CARF: variants seen among roughly 807,000 people sequenced by gnomAD.
CARF encodes calcium-responsive transcription factor.
A neutral mutation model predicts 82.0 loss-of-function variants in CARF; 57 were observed. That is an observed-to-expected ratio of 0.70 (90% CI 0.56 to 0.87). The LOEUF (loss-of-function observed/expected upper bound fraction) is 0.87, where lower values mean the gene tolerates loss of function less well. CARF is among the 40% of genes least tolerant of loss of function. CARF has a pLI of 0.00. For missense variants in CARF, 771 were observed against 855.8 expected (o/e 0.90, Z 1.24); for synonymous variants, 268 against 290.1 (o/e 0.92, Z 0.77).
At chr2:202,949,524 TA>T (rs2058663473) in intron 5 of CARF, among the ~76,000 whole-genome samples, 8 of 111,208 alleles carry the variant, frequency 7.2e-5, no homozygotes, top group Non-Finnish European at 9.4e-5. Flanking sequence ...TATTTATTAT[TA>T]TTATTATTAT....
intron 14 of CARF, among the ~76,000 whole-genome samples, chr2:202,979,320 A>C (rs1332876277): frequency 6.6e-6 from 1 of 152,282 alleles, no homozygotes; most frequent in East Asian, 1.9e-4. Context: ...AGATGTTTGA[A>C]CTTGAGATTT....
intron 5 of CARF, among the ~76,000 whole-genome samples, chr2:202,946,343 G>C (rs559713974): frequency 6.6e-6 from 1 of 151,864 alleles, no homozygotes; most frequent in African/African-American, 2.4e-5. Flanking sequence ...GAAATAACAC[G>C]ACACATCTAC....
At chr2:202,951,261 G>A (rs1029822024) in intron 5 of CARF, among the ~76,000 whole-genome samples, 2 of 152,122 alleles carry the variant, frequency 1.3e-5, no homozygotes, top group Middle Eastern at 3.4e-3. Flanking sequence ...CAAACTCCTG[G>A]GTTCAAGTGA....
rs1436601724 is a variant in CARF at position 202,954,812 on chromosome 2, A to C, written c.557+678A>C. ...ATCACGAGGTCAGGAGATTGAGACCATCCTGGCTAACACGGTAAAACCCCG... is the reference window on the plus strand; with the variant it reads ...ATCACGAGGTCAGGAGATTGAGACCCTCCTGGCTAACACGGTAAAACCCCG... On this transcript the variant is annotated intron_variant, in intron 7 of 16. Transcript: ENST00000438828. 2.0e-5 allele frequency among the ~76,000 whole-genome samples: 3 copies of C among 151,776 alleles called. No individual in the cohort carries two copies. In the East Asian group the frequency reaches 5.8e-4, roughly 29 times the overall value.
intron 14 of CARF, among the ~76,000 whole-genome samples, chr2:202,980,858 G>A (rs867660218): frequency 6.6e-6 from 1 of 151,644 alleles, no homozygotes; most frequent in African/African-American, 2.4e-5. Context: ...TTTAAAGTTT[G>A]TGGGAGGATA....
At chr2:202,947,956 A>G (rs913499668) in intron 5 of CARF, among the ~76,000 whole-genome samples, 3 of 151,984 alleles carry the variant, frequency 2.0e-5, no homozygotes, top group African/African-American at 7.2e-5. Flanking sequence ...GGTATTGCCT[A>G]GGCTGTCTTC....
At chr2:202,935,204 ATAAT>A (rs1693718812) in intron 3 of CARF, among the ~76,000 whole-genome samples, 1 of 141,708 alleles carries the variant, frequency 7.1e-6, no homozygotes, top group Non-Finnish European at 1.5e-5. Context: ...TATATAATAT[ATAAT>A]ATATTCATTT....
At chr2:202,966,692 A>T (rs1028934955) in intron 9 of CARF, among the ~76,000 whole-genome samples, 150 of 152,268 alleles carry the variant, frequency 9.9e-4, no homozygotes, top group African/African-American at 2.9e-3. Context: ...CCTGGGTGAC[A>T]GAGTGAGACT....
rs35376227 is a variant in CARF, at chr2:202,972,674, T to TAAAAAAAAA, written c.1331+949_1331+957dup. Among the ~76,000 whole-genome samples, 5 of 103,014 alleles carry TAAAAAAAAA rather than the reference T, an allele frequency of 4.9e-5. 2 individuals are homozygous for TAAAAAAAAA. Among genetic ancestry groups the TAAAAAAAAA allele is most frequent in the Non-Finnish European group, 7.3e-5 (4 of 54,438 alleles). 67.6% of individuals were successfully genotyped at this position (103,014 alleles called of 152,430 possible). ...CCTGGCTACAGAGCGAGACTCCGTCTAAAAAAAAAAAAAAAAAAAAAGGCA... is the reference window on the plus strand; with the variant it reads ...CCTGGCTACAGAGCGAGACTCCGTCTAAAAAAAAAAAAAAAAAAAAAAAAAAAAAAGGCA... On this transcript the variant is annotated intron_variant, in intron 12 of 16. Transcript: ENST00000438828.
chr2:202,968,224 A>G (rs1334886027), intron 10 of CARF, among the ~76,000 whole-genome samples: 2 of 152,034 alleles, frequency 1.3e-5, no homozygotes, highest in Non-Finnish European at 2.9e-5. Flanking sequence ...CAACTGGTGA[A>G]ACCCCATCTC....
Position 202,985,342 on chromosome 2 carries a change from G to A in CARF, c.*1718G>A, listed in dbSNP as rs1326713173. Reference sequence around the variant, plus strand: ...TACATGACATGTATCTAAATATAAAGTACTGTTATAGTAGAGGTAGGTGGA... The same window carrying A: ...TACATGACATGTATCTAAATATAAAATACTGTTATAGTAGAGGTAGGTGGA... On this transcript the variant is annotated 3_prime_UTR_variant, in exon 17 of 17. Transcript: ENST00000438828. 6.6e-6 allele frequency: 1 copy of A among 151,958 alleles called. No homozygotes were observed. The highest frequency in any genetic ancestry group is 6.6e-5 in the Admixed American group (1 of 15,244). The allele number at this position is 151,958 out of a possible 1,614,324, so 9.4% of individuals were successfully genotyped here. A position where few individuals can be genotyped will look rare whatever the true frequency, so the allele number is the denominator to read the frequency against.
chr2:202,920,476 T>G (rs974525646), intron 2 of CARF, among the ~76,000 whole-genome samples: 1 of 152,168 alleles, frequency 6.6e-6, no homozygotes, highest in Non-Finnish European at 1.5e-5. Flanking sequence ...TCTTAATTGA[T>G]CTATCATAAT....
intron 3 of CARF, among the ~76,000 whole-genome samples, chr2:202,926,632 A>T (rs1357123064): frequency 1.3e-5 from 2 of 152,210 alleles, no homozygotes; most frequent in Non-Finnish European, 2.9e-5. Context: ...AATTTTAAAA[A>T]ACCTACTGGG....
chr2:202,922,678 T>C (rs1200454547), intron 2 of CARF, among the ~76,000 whole-genome samples: 1 of 151,850 alleles, frequency 6.6e-6, no homozygotes, highest in African/African-American at 2.4e-5. Context: ...GGTGGCAGGC[T>C]CCTATAATCC....
Position 202,942,950 on chromosome 2 carries a change from G to T in CARF, c.289G>T (p.Glu97Ter). The change falls in exon 5 of 17, where the codon GAA becomes TAA. Residue 97 changes from glutamate (E) to a stop codon, truncating the protein, a stop_gained. Transcript: ENST00000438828. LOFTEE classifies it high-confidence loss of function. Reference protein sequence around the residue: ...AIQYELQSLGESNAQMMIVAS... With the variant: ...AIQYELQSLG ...TCAATATGAACTTCAGTCATTGGGG[G>T]AATCCAATGCACAAATGGTGAGTAT... 1 of 1,613,426 alleles carries T rather than the reference G, an allele frequency of 6.2e-7. No individual in the cohort carries two copies. The highest frequency in any genetic ancestry group is 1.7e-4 in the Middle Eastern group (1 of 6,060).
chr2:202,961,431 T>C lies in CARF; in HGVS notation c.832+5T>C. On this transcript the variant is annotated splice_donor_5th_base_variant and intron_variant, in intron 9 of 16. Transcript: ENST00000438828. ...GAATCCCATTTGTTAATGCAGGTAC[T>C]TTTTTAAAGAATTATTTTAAAAGGT... 2 of 1,611,594 alleles carry C rather than the reference T, an allele frequency of 1.2e-6. No individual in the cohort carries two copies. The highest frequency in any genetic ancestry group is 1.7e-6 in the Non-Finnish European group (2 of 1,177,716).
intron 13 of CARF, 55 bp from the exon 14 acceptor site, chr2:202,977,214 G>A (rs2060070947): frequency 3.9e-6 from 5 of 1,288,924 alleles, no homozygotes; most frequent in South Asian, 3.8e-5. Context: ...GACGTCTTAA[G>A]ATATTTTTCA....
At chr2:202,981,133 C>T (rs998912295) in intron 14 of CARF, among the ~76,000 whole-genome samples, 2 of 152,148 alleles carry the variant, frequency 1.3e-5, no homozygotes, top group East Asian at 1.9e-4. Flanking sequence ...CATCAAGGAC[C>T]GGTTTTGTGG....
intron 3 of CARF, among the ~76,000 whole-genome samples, chr2:202,936,214 T>G (rs1038486744): frequency 7.9e-5 from 12 of 152,220 alleles, no homozygotes; most frequent in African/African-American, 2.7e-4. Flanking sequence ...GTTCATATTT[T>G]CCTGCTTGTG....
Sources: gnomAD v4.1 joint callset for allele counts (sites outside exome capture counted in the v4.1 genomes callset) on GRCh38, gnomAD v4.1.1 for gene constraint, MANE v1.5 for transcripts, NCBI Gene and HGNC (gene_info 2026-07-23, HGNC 2026-07-21) for gene names.